EYA2: variants seen among roughly 807,000 people sequenced by gnomAD.
EYA2 encodes protein phosphatase EYA2.
In EYA2, 31 loss-of-function variants were observed where a neutral mutation model predicts 69.2. The observed-to-expected ratio is 0.45, with a 90% CI of 0.34 to 0.60. EYA2 has a LOEUF of 0.60. EYA2 is among the 20% of genes least tolerant of loss of function. EYA2 has a pLI of 0.02. For missense variants in EYA2, 622 were observed against 701.2 expected, an observed-to-expected ratio of 0.89 and a Z score of 1.28; for synonymous variants, 257 against 279.4, an observed-to-expected ratio of 0.92 and a Z score of 0.80.
intron 1 of EYA2, among the ~76,000 whole-genome samples, chr20:46,956,933 G>A (rs1004322786): frequency 1.3e-5 from 2 of 152,190 alleles, no homozygotes; most frequent in Non-Finnish European, 2.9e-5. Flanking sequence ...GATCTTGTGA[G>A]ACTTATTCAC....
At chr20:47,004,896 G>A (rs1309472752) in intron 3 of EYA2, 46 bp from the exon 4 acceptor site, 2 of 1,613,718 alleles carry the variant, frequency 1.2e-6, no homozygotes, top group Non-Finnish European at 1.7e-6. Context: ...GGAAGAAGGG[G>A]TGCCAGACTG....
intron 1 of EYA2, among the ~76,000 whole-genome samples, chr20:46,966,779 C>T (rs1005459694): frequency 6.6e-6 from 1 of 151,278 alleles, no homozygotes; most frequent in African/African-American, 2.4e-5. Flanking sequence ...TGTGCCACTG[C>T]ACTCCAGCCT....
chr20:46,970,629 TG>T (rs2146299163), intron 1 of EYA2, among the ~76,000 whole-genome samples: 1 of 152,044 alleles, frequency 6.6e-6, no homozygotes, highest in Admixed American at 6.5e-5. Flanking sequence ...TGTACATTGG[TG>T]GGGGGATGGT....
intron 5 of EYA2, among the ~76,000 whole-genome samples, chr20:47,056,148 A>G (rs1387911884): frequency 6.6e-6 from 1 of 152,232 alleles, no homozygotes; most frequent in Non-Finnish European, 1.5e-5. Flanking sequence ...GATTAAACAC[A>G]GATGTGGGCT....
intron 12 of EYA2, among the ~76,000 whole-genome samples, chr20:47,176,362 G>A (rs1030197879): frequency 6.6e-6 from 1 of 150,656 alleles, no homozygotes; most frequent in East Asian, 1.9e-4. Context: ...TTACAGGTAT[G>A]AGCCACCATG....
chr20:47,166,417 A>T (rs1203470170), intron 10 of EYA2, among the ~76,000 whole-genome samples: 1 of 141,000 alleles, frequency 7.1e-6, no homozygotes, highest in African/African-American at 2.8e-5. Context: ...AAAAAAAAAA[A>T]AAAAAAAAAA....
intron 1 of EYA2, among the ~76,000 whole-genome samples, chr20:46,967,555 G>A (rs892422143): frequency 2.0e-5 from 3 of 152,192 alleles, no homozygotes; most frequent in Non-Finnish European, 4.4e-5. Context: ...GAAACCTAAA[G>A]TGGGGTGAAG....
chr20:47,054,309 TTGAA>T (rs2030492916), intron 5 of EYA2, among the ~76,000 whole-genome samples: 1 of 152,206 alleles, frequency 6.6e-6, no homozygotes, highest in Non-Finnish European at 1.5e-5. Context: ...TGTCTCCACT[TTGAA>T]TGAATGAATG....
At chr20:46,997,556 G>GGTTC (rs1436447547) in intron 2 of EYA2, 2 of 152,202 alleles carry the variant, frequency 1.3e-5, no homozygotes, top group Non-Finnish European at 2.9e-5. Flanking sequence ...TCATCCTGTG[G>GGTTC]GTTCATTCTC....
intron 1 of EYA2, among the ~76,000 whole-genome samples, chr20:46,954,490 G>A (rs1287872924): frequency 3.3e-5 from 5 of 152,232 alleles, no homozygotes; most frequent in African/African-American, 1.2e-4. Context: ...TTTGACTTGT[G>A]GTTTGTGGAC....
At chr20:46,956,600 T>A (rs971710435) in intron 1 of EYA2, among the ~76,000 whole-genome samples, 1 of 152,218 alleles carries the variant, frequency 6.6e-6, no homozygotes, top group Non-Finnish European at 1.5e-5. Context: ...CCCTACACAT[T>A]GCACACATCT....
intron 9 of EYA2, among the ~76,000 whole-genome samples, chr20:47,131,363 G>T (rs112667728): frequency 1.3e-5 from 2 of 152,146 alleles, no homozygotes; most frequent in African/African-American, 4.8e-5. Context: ...CTGTCTAGGC[G>T]GAGGTGCCAC....
chr20:47,070,343 A>G (rs974637542), intron 5 of EYA2, among the ~76,000 whole-genome samples: 5 of 152,262 alleles, frequency 3.3e-5, no homozygotes, highest in African/African-American at 4.8e-5. Flanking sequence ...TTAAAACCAC[A>G]GTGAGATACA....
chr20:47,099,775 T>C (rs561162551), intron 9 of EYA2, among the ~76,000 whole-genome samples: 2 of 152,112 alleles, frequency 1.3e-5, no homozygotes, highest in African/African-American at 2.4e-5. Flanking sequence ...TCCATCTAAA[T>C]TGCGTCTGTC....
At chr20:46,921,929 C>G (rs1255991603) in intron 1 of EYA2, among the ~76,000 whole-genome samples, 1 of 152,180 alleles carries the variant, frequency 6.6e-6, no homozygotes, top group Non-Finnish European at 1.5e-5. Context: ...TACTAAGTTG[C>G]CCTGCTTCCT....
chr20:46,939,854 A>C (rs905824725), intron 1 of EYA2, among the ~76,000 whole-genome samples: 8 of 152,214 alleles, frequency 5.3e-5, no homozygotes, highest in Non-Finnish European at 1.0e-4. Flanking sequence ...ACCTTGGCTA[A>C]GTCATTTAAC....
chr20:47,141,064 T>G (rs1252858868), intron 9 of EYA2, among the ~76,000 whole-genome samples: 2 of 152,174 alleles, frequency 1.3e-5, no homozygotes, highest in Non-Finnish European at 2.9e-5. Context: ...CTCCCAACAC[T>G]GCCACATTGG....
intron 10 of EYA2, chr20:47,161,065 A>G: frequency 6.7e-6 from 2 of 298,392 alleles, no homozygotes; most frequent in Non-Finnish European, 1.3e-5. Context: ...GCGGCGTAGC[A>G]GTCATAGATA....
intron 5 of EYA2, among the ~76,000 whole-genome samples, chr20:47,047,510 C>T (rs1223663223): frequency 6.6e-6 from 1 of 152,164 alleles, no homozygotes; most frequent in Non-Finnish European, 1.5e-5. Flanking sequence ...CCTCAGCCTC[C>T]CAAGTAGCCA....
Sources: gnomAD v4.1 joint callset for allele counts (sites outside exome capture counted in the v4.1 genomes callset) on GRCh38, gnomAD v4.1.1 for gene constraint, MANE v1.5 for transcripts, NCBI Gene and HGNC (gene_info 2026-07-23, HGNC 2026-07-21) for gene names.